The following ZNF385B variants were observed in gnomAD, a reference collection of about 807,000 sequenced individuals.
ZNF385B encodes zinc finger protein 533.
A neutral mutation model predicts 39.2 loss-of-function variants in ZNF385B; 23 were observed. That is an observed-to-expected ratio of 0.59 (90% CI 0.42 to 0.83). The LOEUF (loss-of-function observed/expected upper bound fraction) is 0.83, where lower values mean the gene tolerates loss of function less well. Among genes scored for constraint, ZNF385B ranks in the 40% least tolerant of loss-of-function variants. The pLI is 0.00. For synonymous variants in ZNF385B, 205 were observed against 222.6 expected, an observed-to-expected ratio of 0.92 and a Z score of 0.70; for missense variants, 552 against 598.9, an observed-to-expected ratio of 0.92 and a Z score of 0.82.
At chr2:179,479,922 A>C (rs1322045900) in intron 6 of ZNF385B, among the ~76,000 whole-genome samples, 1 of 152,130 alleles carries the variant, frequency 6.6e-6, no homozygotes, top group Non-Finnish European at 1.5e-5. Flanking sequence ...CCTTGCCTTA[A>C]AGGATGTTCC....
chr2:179,564,397 G>A (rs142916348), intron 3 of ZNF385B, among the ~76,000 whole-genome samples: 1 of 152,172 alleles, frequency 6.6e-6, no homozygotes, highest in Non-Finnish European at 1.5e-5. Context: ...GAGGCACCAG[G>A]CATCTCTTAC....
chr2:179,624,067 TTTCATCATCTCTTCC>T (rs2106169268), intron 3 of ZNF385B, among the ~76,000 whole-genome samples: 1 of 152,280 alleles, frequency 6.6e-6, no homozygotes, highest in African/African-American at 2.4e-5. Flanking sequence ...GTACAACTCA[TTTCATCATCTCTTCC>T]TTTCTCTCTC....
chr2:179,528,294 G>A (rs1038840088), intron 4 of ZNF385B, among the ~76,000 whole-genome samples: 1 of 152,090 alleles, frequency 6.6e-6, no homozygotes, highest in African/African-American at 2.4e-5. Flanking sequence ...CAAGAAGAAA[G>A]GTAAACTAAA....
intron 6 of ZNF385B, among the ~76,000 whole-genome samples, chr2:179,454,415 A>G (rs1457900843): frequency 6.6e-6 from 1 of 152,242 alleles, no homozygotes; most frequent in Non-Finnish European, 1.5e-5. Context: ...GGTATATAAT[A>G]CTTGATAATA....
chr2:179,796,362 G>C (rs1239193925), intron 1 of ZNF385B: 1 of 152,080 alleles, frequency 6.6e-6, no homozygotes, highest in African/African-American at 2.4e-5. Context: ...TCATTTCTTA[G>C]TACTGAAATT....
chr2:179,493,777 A>ATACATATGTG (rs1559338308), intron 5 of ZNF385B, among the ~76,000 whole-genome samples: 2 of 100,518 alleles, frequency 2.0e-5, no homozygotes, highest in Non-Finnish European at 4.6e-5. Flanking sequence ...ACATATATGT[A>ATACATATGTG]TATACACATA....
intron 1 of ZNF385B, among the ~76,000 whole-genome samples, chr2:179,783,331 C>A (rs1704786019): frequency 6.6e-6 from 1 of 151,918 alleles, no homozygotes; most frequent in South Asian, 2.1e-4. Flanking sequence ...AAAAATCAAC[C>A]CAAGATGGAT....
rs374767049 is a variant in ZNF385B at position 179,518,607 on chromosome 2, T to C, written c.473A>G (p.His158Arg). The C allele has an allele frequency of 1.9e-6, 3 of 1,604,894 alleles. No individual in the cohort carries two copies. The highest frequency in any genetic ancestry group is 1.7e-6 in the Non-Finnish European group (2 of 1,176,998). ...TGGGGGAATGGATACTCCAAATGTA[T>C]GGTTAATAACCGCTTTTTGCACAGG... ...MDPVQKAVIN[H>R]TFGVSIPPKK... The change falls in exon 5 of 10, where the codon CAT becomes CGT. Residue 158 changes from histidine (H) to arginine (R), a missense_variant. Coordinates refer to ENST00000410066, the MANE Select transcript of ZNF385B (RefSeq NM_152520.6).
chr2:179,443,326 A>C lies in ZNF385B; in HGVS notation c.1385T>G (p.Ile462Ser), dbSNP rs1559220283. ...CCCAGGCCTCAGAAGAGCTGGAGGA[A>C]TGGCTGGAGCCTGGAAGAGCGAGGC... is the stretch of plus-strand genomic sequence containing the variant. Reference protein sequence around the residue: ...PSASLFQAPAIPPALLRPGHG... With the variant: ...PSASLFQAPASPPALLRPGHG... The change falls in exon 10 of 10, where the codon ATT (isoleucine) becomes AGT (serine). Residue 462 changes from isoleucine to serine, a missense_variant. By Grantham distance (142) the Ile-to-Ser change is moderately radical (BLOSUM62 -2). Transcript: ENST00000410066. 6.2e-7 allele frequency: 1 copy of C among 1,613,002 alleles called. No individual in the cohort carries two copies. Among genetic ancestry groups the C allele is most frequent in the Non-Finnish European group, 8.5e-7 (1 of 1,179,908 alleles).
At chr2:179,783,496 C>G (rs189580181) in intron 1 of ZNF385B, among the ~76,000 whole-genome samples, 2 of 152,262 alleles carry the variant, frequency 1.3e-5, no homozygotes, top group East Asian at 3.9e-4. Context: ...TCTAATTAAA[C>G]TGAAGAGCTT....
At chr2:179,519,135 A>G (rs1254722935) in intron 4 of ZNF385B, among the ~76,000 whole-genome samples, 3 of 152,170 alleles carry the variant, frequency 2.0e-5, no homozygotes, top group Admixed American at 6.5e-5. Context: ...CATGTGCCAC[A>G]CTATGCCCAG....
intron 6 of ZNF385B, among the ~76,000 whole-genome samples, chr2:179,447,308 T>C (rs1030840470): frequency 1.3e-5 from 2 of 152,192 alleles, no homozygotes; most frequent in African/African-American, 4.8e-5. Context: ...GCTCTGTGGA[T>C]GGCAATGCAA....
At chr2:179,717,663 C>T (rs1293706561) in intron 3 of ZNF385B, among the ~76,000 whole-genome samples, 7 of 152,108 alleles carry the variant, frequency 4.6e-5, no homozygotes, top group South Asian at 2.1e-4. Flanking sequence ...AGGAGCTTGA[C>T]GCTGCAGTGA....
chr2:179,765,106 A>G (rs1703612794), intron 3 of ZNF385B, among the ~76,000 whole-genome samples: 1 of 152,138 alleles, frequency 6.6e-6, no homozygotes, highest in African/African-American at 2.4e-5. Flanking sequence ...TAATTGTGTG[A>G]GCTAATTCCT....
intron 3 of ZNF385B, among the ~76,000 whole-genome samples, chr2:179,740,692 C>T (rs921531133): frequency 5.9e-5 from 9 of 151,902 alleles, no homozygotes; most frequent in East Asian, 1.9e-4. Flanking sequence ...AACATGGGGA[C>T]GGGAGTAGAC....
At chr2:179,671,259 A>G (rs868490190) in intron 3 of ZNF385B, among the ~76,000 whole-genome samples, 49 of 152,202 alleles carry the variant, frequency 3.2e-4, no homozygotes, top group Non-Finnish European at 1.9e-4. Flanking sequence ...GAATTCCTGC[A>G]TGTGATTTCC....
intron 3 of ZNF385B, among the ~76,000 whole-genome samples, chr2:179,690,054 C>T (rs1392981944): frequency 3.3e-5 from 5 of 152,044 alleles, no homozygotes; most frequent in Non-Finnish European, 7.4e-5. Flanking sequence ...TCTGCCCATA[C>T]CTTAGAAAAT....
At position 179,526,692 on chromosome 2, in the gene ZNF385B, G is replaced by A. The variant is rs189731689; in HGVS notation, c.442-8054C>T. Among the ~76,000 whole-genome samples the A allele has an allele frequency of 3.3e-4, 51 of 152,328 alleles. 1 individual carries two copies. The highest frequency in any genetic ancestry group is 2.1e-3 in the East Asian group (11 of 5,184). On this transcript the variant is annotated intron_variant, in intron 4 of 9. Coordinates refer to ENST00000410066, the MANE Select transcript of ZNF385B (RefSeq NM_152520.6). ...GGATCTGCATGTTTGCATCTGGAGC[G>A]TGTAAAAGCTGAGGCTTGCCTTGCT...
intron 5 of ZNF385B, among the ~76,000 whole-genome samples, chr2:179,496,348 C>T (rs2056205037): frequency 6.6e-6 from 1 of 152,022 alleles, no homozygotes; most frequent in Admixed American, 6.5e-5. Flanking sequence ...GATCTAAAAA[C>T]ATAGCCTCGA....
Sources: allele counts gnomAD v4.1 joint callset (sites outside exome capture counted in the v4.1 genomes callset), GRCh38; gene constraint gnomAD v4.1.1; transcripts MANE v1.5; gene names NCBI Gene and HGNC (gene_info 2026-07-23, HGNC 2026-07-21).